SUCNR1: variants seen among roughly 807,000 people sequenced by gnomAD.
SUCNR1 encodes G-protein coupled receptor 91.
Under a neutral mutation model 2.4 loss-of-function variants are expected in SUCNR1, and 5 were observed. The ratio of observed to expected loss-of-function variants is 2.07; its 90% CI spans 1.08 to 4.36. The LOEUF (loss-of-function observed/expected upper bound fraction) is 4.36. Among genes scored for constraint, SUCNR1 ranks in the 30% most tolerant of loss-of-function variants. The pLI is 0.00. For synonymous variants in SUCNR1, 162 were observed against 143.9 expected, an observed-to-expected ratio of 1.13 and a Z score of -0.90; for missense variants, 373 against 399.2, an observed-to-expected ratio of 0.93 and a Z score of 0.56.
Position 151,879,876 on chromosome 3 carries a change from T to C in SUCNR1, c.-17T>C, listed in dbSNP as rs766862650. ...GGTTATGGTTTAACTCAGCAGAATT[T>C]GTTGAACAACTACGACATGCTGGGG... On this transcript the variant is annotated 5_prime_UTR_variant, in exon 2 of 3. Coordinates refer to ENST00000362032, the MANE Select transcript of SUCNR1 (RefSeq NM_033050.6). The C allele has an allele frequency of 1.3e-6, 2 of 1,573,934 alleles. No homozygotes were observed. The highest frequency in any genetic ancestry group is 1.7e-6 in the Non-Finnish European group (2 of 1,159,158).
chr3:151,874,170 T>TTTTTAA (rs1717851358), intron 1 of SUCNR1, among the ~76,000 whole-genome samples: 2 of 134,856 alleles, frequency 1.5e-5, no homozygotes, highest in Non-Finnish European at 3.1e-5. Flanking sequence ...TTTTTTTTTT[T>TTTTTAA]AAGACAGAGT....
At chr3:151,875,982 T>A (rs1717912712) in intron 1 of SUCNR1, among the ~76,000 whole-genome samples, 1 of 152,194 alleles carries the variant, frequency 6.6e-6, no homozygotes, top group Admixed American at 6.6e-5. Context: ...ATCTTTCTGC[T>A]GTGCACAATA....
In SUCNR1 at chr3:151,881,387, C is replaced by A; in HGVS notation, c.844C>A (p.Pro282Thr). The change falls in exon 3 of 3, where the codon CCT becomes ACT. Residue 282 changes from proline to threonine, a missense_variant. By Grantham distance (38) the Pro-to-Thr change is conservative (BLOSUM62 -1). This residue lies in a region of SUCNR1 where 157 missense variants were observed against 178.7 expected (regional missense o/e 0.88). Coordinates refer to ENST00000362032, the MANE Select transcript of SUCNR1 (RefSeq NM_033050.6). Reference sequence around the variant, plus strand: ...CAACTCCTTTTACATTGTGACACGGCCTTTGGCCTTTCTGAACAGTGTCAT... The same window carrying A: ...CAACTCCTTTTACATTGTGACACGGACTTTGGCCTTTCTGAACAGTGTCAT... ...VINSFYIVTR[P>T]LAFLNSVINP... The A allele has an allele frequency of 1.2e-6, 2 of 1,614,140 alleles. No homozygotes were observed. Among genetic ancestry groups the A allele is most frequent in the Non-Finnish European group, 1.7e-6 (2 of 1,180,030 alleles).
At chr3:151,876,592 A>G (rs1235577709) in intron 1 of SUCNR1, among the ~76,000 whole-genome samples, 1 of 152,146 alleles carries the variant, frequency 6.6e-6, no homozygotes, top group Non-Finnish European at 1.5e-5. Context: ...TCTTATGCTT[A>G]TTAATTTCAG....
At chr3:151,879,766 A>T in intron 1 of SUCNR1, 86 bp from the exon 2 acceptor site, 1 of 544,252 alleles carries the variant, frequency 1.8e-6, no homozygotes, top group South Asian at 4.3e-5. Flanking sequence ...TTAATACAAT[A>T]AGCAGAATTC....
At position 151,881,283 on chromosome 3, in the gene SUCNR1, C is replaced by G. The variant is rs1718088016; in HGVS notation, c.740C>G (p.Pro247Arg). 1 of 1,614,166 alleles carries G rather than the reference C, an allele frequency of 6.2e-7. No individual in the cohort carries two copies. The highest frequency in any genetic ancestry group is 1.3e-5 in the African/African-American group (1 of 75,036). The change falls in exon 3 of 3, where the codon CCC becomes CGC. Residue 247 changes from proline (P) to arginine (R), a missense_variant. Physicochemically the swap from Pro to Arg is moderately radical, Grantham distance 103. Transcript: ENST00000362032. ...GTAATCTTCTCTGTGCTTTTTACAC[C>G]CTATCACGTCATGCGGAATGTGAGG... is the stretch of plus-strand genomic sequence containing the variant. ...AVVIFSVLFT[P>R]YHVMRNVRIA...
At chr3:151,878,634 C>T (rs1717993414) in intron 1 of SUCNR1, among the ~76,000 whole-genome samples, 3 of 152,148 alleles carry the variant, frequency 2.0e-5, no homozygotes, top group Admixed American at 2.0e-4. Flanking sequence ...TCTTCAGCAG[C>T]ATTCATGTGT....
intron 1 of SUCNR1, among the ~76,000 whole-genome samples, chr3:151,877,941 T>G (rs1410618539): frequency 6.6e-6 from 1 of 152,082 alleles, no homozygotes; most frequent in African/African-American, 2.4e-5. Flanking sequence ...CAAGAAGACT[T>G]GAGCCCCAAA....
chr3:151,879,384 G>A (rs1319700047), intron 1 of SUCNR1, among the ~76,000 whole-genome samples: 5 of 152,184 alleles, frequency 3.3e-5, no homozygotes, highest in African/African-American at 9.7e-5. Context: ...GTATTAAGAG[G>A]CGGGGCCTTT....
Position 151,880,708 on chromosome 3 carries a change from G to A in SUCNR1, c.165G>A (p.Trp55Ter). The change falls in exon 3 of 3, where the codon TGG becomes TGA. Residue 55 changes from tryptophan (W) to a stop codon, truncating the protein, a stop_gained. Transcript: ENST00000362032. LOFTEE classifies it low-confidence loss of function (END_TRUNC). ...VYGYIFSLKN[W>*]NSSNIYLFNL... The stretch of plus-strand genomic sequence containing the variant: ...GCTACATCTTCTCTCTGAAGAACTG[G>A]AACAGCAGTAATATTTATCTCTTTA... 1 of 1,614,028 alleles carries A rather than the reference G, an allele frequency of 6.2e-7. No individual in the cohort carries two copies. The highest frequency in any genetic ancestry group is 8.5e-7 in the Non-Finnish European group (1 of 1,179,982).
chr3:151,876,176 G>A (rs1717918874), intron 1 of SUCNR1, among the ~76,000 whole-genome samples: 1 of 152,052 alleles, frequency 6.6e-6, no homozygotes, highest in Non-Finnish European at 1.5e-5. Flanking sequence ...TCAGAAATAA[G>A]GCCTGAGAAG....
chr3:151,880,943 C>A lies in SUCNR1; in HGVS notation c.400C>A (p.Gln134Lys), dbSNP rs986752810. Residue 134 changes from glutamine to lysine, a missense_variant, in exon 3 of 3, where the codon CAA becomes AAA. By Grantham distance (53) the Gln-to-Lys change is moderately conservative (BLOSUM62 1). Transcript: ENST00000362032. ...GTATCCTTTCCGAGAACACCTTCTG[C>A]AAAAGAAAGAGTTTGCTATTTTAAT... ...IKYPFREHLL[Q>K]KKEFAILISL... 4 of 1,613,876 alleles carry A rather than the reference C, an allele frequency of 2.5e-6. No individual in the cohort carries two copies. In the African/African-American group the frequency reaches 4.0e-5, roughly 16 times the overall value.
rs1315619666 is a variant in SUCNR1, at chr3:151,881,049, G to A, written c.506G>A (p.Gly169Asp). Residue 169 changes from glycine (G) to aspartate (D), a missense_variant, in exon 3 of 3, where the codon GGC (glycine) becomes GAC (aspartate). Physicochemically the swap from Gly to Asp is moderately conservative, Grantham distance 94. Coordinates refer to ENST00000362032, the MANE Select transcript of SUCNR1 (RefSeq NM_033050.6). ...PLINPVITDN[G>D]TTCNDFASSG... is the part of the protein sequence containing the mutation. The stretch of plus-strand genomic sequence containing the variant: ...ATAAATCCTGTTATAACTGACAATG[G>A]CACCACCTGTAATGATTTTGCAAGT... The A allele has an allele frequency of 6.2e-7, 1 of 1,614,042 alleles. No individual in the cohort carries two copies. Among genetic ancestry groups the A allele is most frequent in the Non-Finnish European group, 8.5e-7 (1 of 1,180,004 alleles).
At chr3:151,880,459 T>C in intron 2 of SUCNR1, 100 bp from the exon 3 acceptor site, 3 of 837,822 alleles carry the variant, frequency 3.6e-6, no homozygotes, top group Non-Finnish European at 5.7e-6. Context: ...CTTTCTATAG[T>C]TCACCATTCA....
At chr3:151,876,405 C>A (rs1717925484) in intron 1 of SUCNR1, among the ~76,000 whole-genome samples, 1 of 151,994 alleles carries the variant, frequency 6.6e-6, no homozygotes, top group South Asian at 2.1e-4. Flanking sequence ...AGCCTATTGA[C>A]ATTTTTGCTA....
Position 151,881,357 on chromosome 3 carries a change from G to A in SUCNR1, c.814G>A (p.Val272Ile), listed in dbSNP as rs947382915. 40 of 1,614,020 alleles carry A rather than the reference G, an allele frequency of 2.5e-5. No individual in the cohort carries two copies. Among genetic ancestry groups the A allele is most frequent in the Admixed American group, 3.3e-5 (2 of 60,000 alleles). The change falls in exon 3 of 3, where the codon GTC becomes ATC. Residue 272 changes from valine (V) to isoleucine (I), a missense_variant. Physicochemically the swap from Val to Ile is conservative, Grantham distance 29. Transcript: ENST00000362032. ...GAAGCAGTATCAGTGCACTCAGGTC[G>A]TCATCAACTCCTTTTACATTGTGAC... ...SWKQYQCTQV[V>I]INSFYIVTRP...
chr3:151,874,772 A>G (rs537543386), intron 1 of SUCNR1, among the ~76,000 whole-genome samples: 1 of 152,250 alleles, frequency 6.6e-6, no homozygotes, highest in South Asian at 2.1e-4. Flanking sequence ...TTAAATTATT[A>G]TATCTTTTCA....
Position 151,880,928 on chromosome 3 carries a change from C to T in SUCNR1, c.385C>T (p.Arg129Ter), listed in dbSNP as rs776572730. 21 of 1,613,800 alleles carry T rather than the reference C, an allele frequency of 1.3e-5. No individual in the cohort carries two copies. Among genetic ancestry groups the T allele is most frequent in the African/African-American group, 1.3e-5 (1 of 74,880 alleles). The change falls in exon 3 of 3, where the codon CGA becomes TGA. Residue 129 changes from arginine (R) to a stop codon, truncating the protein, a stop_gained. Transcript: ENST00000362032. LOFTEE classifies it low-confidence loss of function (END_TRUNC). ...DRYLIIKYPF[R>*]EHLLQKKEFA... ...ATACTTGATAATTAAGTATCCTTTC[C>T]GAGAACACCTTCTGCAAAAGAAAGA...
rs1420814435 is a variant in SUCNR1 at position 151,880,736 on chromosome 3, CTCTCTG to C, written c.200_205del (p.Val67_Ser68del). ...CAGCAGTAATATTTATCTCTTTAAC[CTCTCTG>C]TCTCTGACTTAGCTTTTCTGTGCAC... On this transcript the variant is annotated inframe_deletion, in exon 3 of 3. Coordinates refer to ENST00000362032, the MANE Select transcript of SUCNR1 (RefSeq NM_033050.6). 1 of 1,614,008 alleles carries C rather than the reference CTCTCTG, an allele frequency of 6.2e-7. No homozygotes were observed. Among genetic ancestry groups the C allele is most frequent in the Admixed American group, 1.7e-5 (1 of 60,000 alleles).
Sources: gnomAD v4.1 joint callset for allele counts (sites outside exome capture counted in the v4.1 genomes callset) on GRCh38, gnomAD v4.1.1 for gene constraint, gnomAD v4.1.1 regional missense constraint, MANE v1.5 for transcripts, NCBI Gene and HGNC (gene_info 2026-07-23, HGNC 2026-07-21) for gene names.